HFM1: variants seen among roughly 807,000 people sequenced by gnomAD.
HFM1 encodes helicase for meiosis 1.
A neutral mutation model predicts 192.1 loss-of-function variants in HFM1; 169 were observed. That is an observed-to-expected ratio of 0.88 (90% CI 0.78 to 1.00). The LOEUF is 1.00. HFM1 is among the 50% of genes least tolerant of loss of function. The probability of loss-of-function intolerance (pLI) is 0.00; values close to 1 mark genes in which losing one functional copy is unlikely to be tolerated. For synonymous variants in HFM1, 525 were observed against 537.8 expected (o/e 0.98, Z 0.33); for missense variants, 1,661 against 1,668.0 (o/e 1.00, Z 0.07).
chr1:91,399,387 G>A (rs977282268), intron 2 of HFM1, among the ~76,000 whole-genome samples: 89 of 152,112 alleles, frequency 5.9e-4, no homozygotes, highest in African/African-American at 2.4e-4. Flanking sequence ...TTATTTTTAC[G>A]TCCATTTACA....
intron 4 of HFM1, 80 bp from the exon 5 acceptor site, chr1:91,385,914 C>T: frequency 1.6e-6 from 2 of 1,234,562 alleles, no homozygotes; most frequent in South Asian, 1.5e-5. Flanking sequence ...TAAAATTGGC[C>T]CCCTTAAAAA....
intron 11 of HFM1, chr1:91,377,820 C>T (rs767719244): frequency 1.8e-6 from 1 of 556,938 alleles, no homozygotes; most frequent in Non-Finnish European, 3.1e-6. Context: ...GTCCACATGT[C>T]CACAAAAAAT....
At chr1:91,327,838 T>C (rs551452217) in intron 20 of HFM1, among the ~76,000 whole-genome samples, 12 of 152,208 alleles carry the variant, frequency 7.9e-5, no homozygotes, top group African/African-American at 2.4e-4. Context: ...TACAAATACA[T>C]GGAAATTAAA....
intron 13 of HFM1, among the ~76,000 whole-genome samples, chr1:91,359,471 A>G (rs1464722926): frequency 6.6e-6 from 1 of 152,088 alleles, no homozygotes; most frequent in Non-Finnish European, 1.5e-5. Context: ...CGCAAGTATC[A>G]ATAACAGAAT....
In HFM1 at chr1:91,368,671, T is replaced by C. The variant is rs547300786; in HGVS notation, c.1685+6687A>G. On this transcript the variant is annotated intron_variant, in intron 13 of 38. Coordinates refer to ENST00000370425, the MANE Select transcript of HFM1 (RefSeq NM_001017975.6). ...GCCAAATTGTAAAGACCATCAAGGCTAGGAAGAAACTGCATCCACTAACGA... is the reference window on the plus strand; with the variant it reads ...GCCAAATTGTAAAGACCATCAAGGCCAGGAAGAAACTGCATCCACTAACGA... Among the ~76,000 whole-genome samples the C allele has an allele frequency of 8.3e-4, 126 of 152,258 alleles. 5 individuals carry two copies. The South Asian group carries it at 0.024, about 29-fold the overall frequency.
At chr1:91,352,460 T>A (rs1297698039) in intron 16 of HFM1, 46 bp downstream of exon 16, 1 of 1,464,006 alleles carries the variant, frequency 6.8e-7, no homozygotes, top group Admixed American at 2.3e-5. Flanking sequence ...ATTTTTTTGT[T>A]TTTATCATGT....
At position 91,399,029 on chromosome 1, in the gene HFM1, G is replaced by T. The variant is rs577008727; in HGVS notation, c.71+1983C>A. ...TCATTCAAAGATATTTACTCAGCTT[G>T]CCCCTGTGCCCTGCCCCACTCCGAT... On this transcript the variant is annotated intron_variant, in intron 2 of 38. Coordinates refer to ENST00000370425, the MANE Select transcript of HFM1 (RefSeq NM_001017975.6). Among the ~76,000 whole-genome samples, 66 of 151,742 alleles carry T rather than the reference G, an allele frequency of 4.3e-4. No individual in the cohort carries two copies. The South Asian group carries it at 5.8e-3, about 13-fold the overall frequency.
intron 20 of HFM1, among the ~76,000 whole-genome samples, chr1:91,332,442 T>C (rs1010891074): frequency 3.9e-5 from 6 of 152,044 alleles, no homozygotes; most frequent in South Asian, 2.1e-4. Context: ...TTGATATATA[T>C]AAAAATCAAA....
At chr1:91,276,222 T>C (rs1340088321) in intron 32 of HFM1, among the ~76,000 whole-genome samples, 1 of 152,172 alleles carries the variant, frequency 6.6e-6, no homozygotes, top group Non-Finnish European at 1.5e-5. Flanking sequence ...CCTTTCTTGG[T>C]CCATCAAATG....
intron 30 of HFM1, among the ~76,000 whole-genome samples, chr1:91,292,978 G>A (rs1167626675): frequency 6.6e-6 from 1 of 152,096 alleles, no homozygotes; most frequent in Non-Finnish European, 1.5e-5. Context: ...AATAAATGGT[G>A]CTGGGAAAAC....
chr1:91,282,022 T>G (rs1570767222), intron 30 of HFM1, among the ~76,000 whole-genome samples: 1 of 152,370 alleles, frequency 6.6e-6, no homozygotes, highest in Non-Finnish European at 1.5e-5. Context: ...TCTGAAATAT[T>G]GCAATTAGCT....
chr1:91,347,317 CAA>C (rs1656271822), intron 19 of HFM1, 110 bp downstream of exon 19: 3 of 523,658 alleles, frequency 5.7e-6, no homozygotes, highest in South Asian at 8.4e-5. Context: ...TTTCTGCAGA[CAA>C]GTTTCCTTTT....
At chr1:91,383,899 A>G (rs1388510764) in intron 6 of HFM1, among the ~76,000 whole-genome samples, 1 of 137,960 alleles carries the variant, frequency 7.2e-6, no homozygotes, top group Non-Finnish European at 1.6e-5. Flanking sequence ...ATGTTTACAT[A>G]TTAAAAAATA....
intron 20 of HFM1, among the ~76,000 whole-genome samples, chr1:91,333,531 T>C (rs1487437340): frequency 6.6e-6 from 1 of 151,084 alleles, no homozygotes; most frequent in African/African-American, 2.4e-5. Context: ...ACAGAAAGAA[T>C]GAATAAGACC....
chr1:91,321,787 A>C (rs1341913383), intron 23 of HFM1, among the ~76,000 whole-genome samples: 4 of 152,212 alleles, frequency 2.6e-5, no homozygotes, highest in African/African-American at 9.6e-5. Context: ...ATTAACTTTA[A>C]AATTTGACAG....
chr1:91,342,148 A>AC (rs140920180), intron 20 of HFM1, among the ~76,000 whole-genome samples: 8 of 122,566 alleles, frequency 6.5e-5, no homozygotes, highest in African/African-American at 2.2e-4. Context: ...AAAAAAAAAA[A>AC]AAATTCAGGC....
intron 36 of HFM1, among the ~76,000 whole-genome samples, chr1:91,264,982 TCTGC>T (rs1473849876): frequency 6.6e-6 from 1 of 152,196 alleles, no homozygotes; most frequent in Non-Finnish European, 1.5e-5. Flanking sequence ...CCACACTGAA[TCTGC>T]TCTATTTCTG....
At chr1:91,272,570 G>C (rs1320643723) in intron 34 of HFM1, among the ~76,000 whole-genome samples, 1 of 151,988 alleles carries the variant, frequency 6.6e-6, no homozygotes, top group Non-Finnish European at 1.5e-5. Context: ...CAGAAGGACA[G>C]GTAATAATGT....
intron 34 of HFM1, among the ~76,000 whole-genome samples, chr1:91,272,834 C>T (rs1666445810): frequency 6.6e-6 from 1 of 150,876 alleles, no homozygotes; most frequent in Non-Finnish European, 1.5e-5. Context: ...TAAATTATGA[C>T]TAGAGGAAAA....
Sources: allele counts gnomAD v4.1 joint callset (sites outside exome capture counted in the v4.1 genomes callset), GRCh38; gene constraint gnomAD v4.1.1; transcripts MANE v1.5; gene names NCBI Gene and HGNC (gene_info 2026-07-23, HGNC 2026-07-21).